The following EVC2 variants were observed in gnomAD, a reference collection of about 807,000 sequenced individuals.
The protein encoded by EVC2 is limbin.
Under a neutral mutation model 149.3 loss-of-function variants are expected in EVC2, and 148 were observed. The ratio of observed to expected loss-of-function variants is 0.99; its 90% CI spans 0.87 to 1.14. The LOEUF (loss-of-function observed/expected upper bound fraction) is 1.14, where lower values mean the gene tolerates loss of function less well. Ranked by LOEUF, EVC2 falls within the 50% of genes most tolerant of loss-of-function variation. The pLI is 0.00. For synonymous variants in EVC2, 776 were observed against 649.9 expected (o/e 1.19, Z -2.95); for missense variants, 1,854 against 1,627.3 (o/e 1.14, Z -2.40).
chr4:5,590,223 A>C (rs538080202), intron 16 of EVC2, among the ~76,000 whole-genome samples: 7 of 152,294 alleles, frequency 4.6e-5, no homozygotes, highest in African/African-American at 1.7e-4. Context: ...AAGAAGGCAG[A>C]GCTTCCCCTC....
intron 9 of EVC2, among the ~76,000 whole-genome samples, chr4:5,650,634 TATATAGAGAG>T (rs1447550675): frequency 3.8e-3 from 220 of 58,112 alleles, no homozygotes; most frequent in Non-Finnish European, 5.5e-3. Context: ...TATATATATA[TATATAGAGAG>T]AGAGAGAGAG....
At chr4:5,562,234 A>G (rs1178453354), downstream of EVC2, among the ~76,000 whole-genome samples, 1 of 152,278 alleles carries the variant, frequency 6.6e-6, no homozygotes. This position sits in a 1 kb window ranked among gnomAD's most constrained non-coding sequence, Gnocchi z 4.3. Context: ...TTTCCATACC[A>G]TTGAATTTCC....
intron 2 of EVC2, 150 bp from the exon 3 acceptor site, chr4:5,694,651 T>A (rs1449699438): frequency 3.5e-6 from 3 of 856,066 alleles, no homozygotes; most frequent in African/African-American, 3.4e-5. Context: ...AATGATATCA[T>A]CTCTTTGCCA....
intron 16 of EVC2, among the ~76,000 whole-genome samples, chr4:5,610,265 C>A (rs1007108317): frequency 6.6e-6 from 1 of 152,108 alleles, no homozygotes; most frequent in Non-Finnish European, 1.5e-5. Context: ...CATACATATA[C>A]CTCTATCGTA....
At chr4:5,697,513 G>C in intron 2 of EVC2, 80 bp downstream of exon 2, 1 of 1,373,424 alleles carries the variant, frequency 7.3e-7, no homozygotes, top group South Asian at 1.2e-5. Context: ...AGAGAGTGAG[G>C]GAGCTGGAGG....
intron 17 of EVC2, among the ~76,000 whole-genome samples, chr4:5,578,447 T>C (rs558369388): frequency 6.6e-6 from 1 of 152,282 alleles, no homozygotes; most frequent in African/African-American, 2.4e-5. Context: ...CATCTAATTT[T>C]ATGTATAAGG....
chr4:5,565,423 C>G lies in EVC2; in HGVS notation c.3558-64G>C, dbSNP rs1418572289. The G allele has an allele frequency of 1.1e-5, 17 of 1,514,474 alleles. No homozygotes were observed. The East Asian group carries it at 3.7e-4, about 33-fold the overall frequency. 93.8% of individuals were successfully genotyped at this position (1,514,474 alleles called of 1,614,324 possible). A position where few individuals can be genotyped will look rare whatever the true frequency, so the allele number is the denominator to read the frequency against. ...GCCTGTAATCCCACTGTAATCCCAGCACTTTGGAAGGCAGAGGCGGGCAGA... is the reference window on the plus strand; with the variant it reads ...GCCTGTAATCCCACTGTAATCCCAGGACTTTGGAAGGCAGAGGCGGGCAGA... On this transcript the variant is annotated intron_variant, in intron 20 of 21. Transcript: ENST00000344408.
intron 6 of EVC2, among the ~76,000 whole-genome samples, chr4:5,682,451 T>C (rs987643784): frequency 3.3e-5 from 5 of 151,006 alleles, no homozygotes; most frequent in Non-Finnish European, 7.4e-5. Context: ...GATCATGCCA[T>C]TGCACTCCAG....
intron 19 of EVC2, among the ~76,000 whole-genome samples, chr4:5,571,221 G>A (rs1170897180): frequency 2.0e-5 from 3 of 151,346 alleles, no homozygotes; most frequent in Non-Finnish European, 4.4e-5. Flanking sequence ...AGGAGGCCGA[G>A]GCAGGGGAAT....
downstream of EVC2, among the ~76,000 whole-genome samples, chr4:5,558,451 A>G (rs985843879): frequency 1.3e-5 from 2 of 152,248 alleles, no homozygotes; most frequent in Non-Finnish European, 2.9e-5. Context: ...TTGTGGATAC[A>G]TGGCACTATA....
chr4:5,672,653 G>A (rs769287855), intron 7 of EVC2, among the ~76,000 whole-genome samples: 6 of 152,078 alleles, frequency 3.9e-5, no homozygotes, highest in Non-Finnish European at 7.4e-5. Flanking sequence ...CCATACAACC[G>A]AGCAATTTCA....
At chr4:5,706,370 A>ATACATAGATAGATAGC (rs1722161191) in intron 1 of EVC2, among the ~76,000 whole-genome samples, 3 of 57,604 alleles carry the variant, frequency 5.2e-5, no homozygotes, top group East Asian at 6.0e-4. Context: ...AGATAGATAC[A>ATACATAGATAGATAGC]TAGATAGATA....
intron 12 of EVC2, among the ~76,000 whole-genome samples, chr4:5,626,339 T>G (rs1038228021): frequency 2.0e-5 from 3 of 149,936 alleles, no homozygotes; most frequent in African/African-American, 4.9e-5. Context: ...TTGTTTTTTT[T>G]TTTTTTTTTT....
chr4:5,574,281 T>C (rs369481243), intron 19 of EVC2, among the ~76,000 whole-genome samples: 2 of 152,164 alleles, frequency 1.3e-5, no homozygotes, highest in African/African-American at 2.4e-5. Context: ...ATGAGAAAGG[T>C]TGGCTGATCT....
At chr4:5,583,858 C>A (rs776091667) in intron 17 of EVC2, among the ~76,000 whole-genome samples, 1 of 133,556 alleles carries the variant, frequency 7.5e-6, no homozygotes, top group Non-Finnish European at 1.6e-5. Flanking sequence ...AGAAGAAACA[C>A]AGTTTTTTTT....
At chr4:5,530,362 C>T in the EVC2 span, among the ~76,000 whole-genome samples, 2 of 152,074 alleles carry the variant, frequency 1.3e-5, no homozygotes, top group African/African-American at 4.8e-5. Context: ...CACGAAATTG[C>T]GTGTGTGGCT....
At chr4:5,684,886 G>C (rs1289989652) in intron 6 of EVC2, among the ~76,000 whole-genome samples, 1 of 152,108 alleles carries the variant, frequency 6.6e-6, no homozygotes, top group Non-Finnish European at 1.5e-5. Flanking sequence ...GCCTTAGGAA[G>C]ACACAGGGAG....
intron 16 of EVC2, among the ~76,000 whole-genome samples, chr4:5,593,967 G>A (rs573165336): frequency 1.3e-5 from 2 of 152,348 alleles, no homozygotes; most frequent in East Asian, 3.9e-4. Flanking sequence ...CTCGCTGATT[G>A]CTAGCACGGC....
the EVC2 span, among the ~76,000 whole-genome samples, chr4:5,535,131 C>T: frequency 5.3e-5 from 8 of 152,088 alleles, no homozygotes; most frequent in African/African-American, 1.9e-4. This position sits in a 1 kb window ranked among gnomAD's most constrained non-coding sequence, Gnocchi z 4.7. Context: ...TGTTCAAATC[C>T]CCTGGCTGGT....
Sources: gnomAD v4.1 joint callset for allele counts (sites outside exome capture counted in the v4.1 genomes callset) on GRCh38, gnomAD v4.1.1 for gene constraint, Gnocchi (gnomAD v3.1) non-coding constraint, MANE v1.5 for transcripts, NCBI Gene and HGNC (gene_info 2026-07-23, HGNC 2026-07-21) for gene names.